The following ABCB4 variants were observed in gnomAD, a reference collection of about 807,000 sequenced individuals.
ABCB4 encodes the protein ATP binding cassette subfamily B member 4.
A neutral mutation model predicts 145.7 loss-of-function variants in ABCB4; 76 were observed. That is an observed-to-expected ratio of 0.52 (90% CI 0.43 to 0.63). The LOEUF is 0.63. Ranked by LOEUF, ABCB4 falls within the 30% of genes least tolerant of loss-of-function variation. The pLI is 0.00. For synonymous variants in ABCB4, 517 were observed against 566.8 expected (o/e 0.91, Z 1.25); for missense variants, 1,234 against 1,553.1 (o/e 0.79, Z 3.45).
intron 3 of ABCB4, among the ~76,000 whole-genome samples, chr7:87,468,564 T>C (rs1395171159): frequency 6.6e-6 from 1 of 152,162 alleles, no homozygotes; most frequent in African/African-American, 2.4e-5. Context: ...TACCAAAGCC[T>C]GGCAGAGTCA....
Position 87,422,225 on chromosome 7 carries a change from T to G in ABCB4, c.2212A>C (p.Ile738Leu), listed in dbSNP as rs1265968550. ...FSVIFSEIIA[I>L]FGPGDDAVKQ... is the part of the protein sequence containing the mutation. ...ACTGCATCATCGCCTGGTCCAAAAA[T>G]CTACAAAAGAATATTTAAAACGCCC... The change falls in exon 18 of 28, where the codon ATT becomes CTT. Residue 738 changes from isoleucine (I) to leucine (L), a missense_variant and splice_region_variant. Physicochemically the swap from Ile to Leu is conservative, Grantham distance 5 (BLOSUM62 2). This residue lies in a region of ABCB4 where 321 missense variants were observed against 332.6 expected (regional missense o/e 0.97). Transcript: ENST00000649586. 3 of 1,611,248 alleles carry G rather than the reference T, an allele frequency of 1.9e-6. No homozygotes were observed. The highest frequency in any genetic ancestry group is 1.7e-6 in the Non-Finnish European group (2 of 1,177,672).
chr7:87,474,775 T>C (rs936315673), intron 2 of ABCB4, among the ~76,000 whole-genome samples: 1 of 151,782 alleles, frequency 6.6e-6, no homozygotes. Context: ...GAGAAAGACA[T>C]GAAGGCAAAG....
At chr7:87,463,424 T>C (rs1438416887) in intron 3 of ABCB4, among the ~76,000 whole-genome samples, 1 of 152,196 alleles carries the variant, frequency 6.6e-6, no homozygotes, top group Non-Finnish European at 1.5e-5. Context: ...CAATAAACAT[T>C]ACAGTGTGTC....
the ABCB4 span, among the ~76,000 whole-genome samples, chr7:87,378,495 A>G: frequency 2.0e-5 from 3 of 152,206 alleles, no homozygotes; most frequent in African/African-American, 7.2e-5. Context: ...CAATGTTCAA[A>G]TGCTTTCATT....
intron 14 of ABCB4, among the ~76,000 whole-genome samples, chr7:87,434,222 G>A (rs751040072): frequency 6.6e-5 from 10 of 151,112 alleles, no homozygotes; most frequent in South Asian, 2.1e-4. Context: ...GATTACAGGC[G>A]TGAGCCACCA....
chr7:87,405,529 C>T (rs11773089), intron 26 of ABCB4, among the ~76,000 whole-genome samples: 19,958 of 149,776 alleles, frequency 0.13, 1,873 homozygotes, highest in African/African-American at 0.27. Flanking sequence ...CAGGTTCAGG[C>T]GATTCTCCCG....
the ABCB4 span, among the ~76,000 whole-genome samples, chr7:87,383,874 A>G: frequency 2.0e-5 from 3 of 152,168 alleles, no homozygotes. Flanking sequence ...GTGCTGCAAT[A>G]AACATTGGAG....
intron 3 of ABCB4, among the ~76,000 whole-genome samples, chr7:87,465,414 G>A (rs1812799382): frequency 6.6e-6 from 1 of 152,220 alleles, no homozygotes; most frequent in African/African-American, 2.4e-5. Flanking sequence ...GCCAGGAACT[G>A]GGTGGAGCCC....
At chr7:87,385,973 A>G in the ABCB4 span, among the ~76,000 whole-genome samples, 1 of 152,198 alleles carries the variant, frequency 6.6e-6, no homozygotes, top group Non-Finnish European at 1.5e-5. Flanking sequence ...TTGATGTGAT[A>G]TATCATGCTT....
At chr7:87,392,579 A>G in the ABCB4 span, 1 of 1,613,346 alleles carries the variant, frequency 6.2e-7, no homozygotes, top group Non-Finnish European at 8.5e-7. Context: ...CGTGAGCGGC[A>G]GCAAAAGATG....
rs45538734 is a variant in ABCB4, at chr7:87,425,636, T to C, written c.2064+1114A>G. On this transcript the variant is annotated intron_variant, in intron 16 of 27. Transcript: ENST00000649586. ...TATATCTTGAAATAAGGAAATCTTT[T>C]TTTGGAATGGATTCCCTCTGTATAA... Among the ~76,000 whole-genome samples, 374 of 152,298 alleles carry C rather than the reference T, an allele frequency of 2.5e-3. 2 individuals carry two copies. The highest frequency in any genetic ancestry group is 8.4e-3 in the African/African-American group (349 of 41,566).
At chr7:87,454,221 G>T (rs1811960944) in intron 5 of ABCB4, among the ~76,000 whole-genome samples, 1 of 152,132 alleles carries the variant, frequency 6.6e-6, no homozygotes, top group Non-Finnish European at 1.5e-5. Flanking sequence ...AGGAGAAAAT[G>T]CCATAAATGA....
At position 87,417,408 on chromosome 7, in the gene ABCB4, T is replaced by C. The variant is rs1554400942; in HGVS notation, c.2586A>G (p.Ala862=). ...YGWQLTLLLL[A]VVPIIAVSGI... ...CTGACACAGCAATAATTGGAACAAC[T>C]GCTAATAGCAATAGGGTTAACTGCC... The change falls in exon 21 of 28, where the codon GCA becomes GCG. Residue 862 remains alanine, a synonymous_variant. Transcript: ENST00000649586. 6.2e-7 allele frequency: 1 copy of C among 1,614,146 alleles called. No individual in the cohort carries two copies. Among genetic ancestry groups the C allele is most frequent in the African/African-American group, 1.3e-5 (1 of 75,054 alleles).
chr7:87,461,086 C>T (rs925480194), intron 4 of ABCB4, among the ~76,000 whole-genome samples: 2 of 152,080 alleles, frequency 1.3e-5, no homozygotes, highest in African/African-American at 2.4e-5. Context: ...GCTGGGATTA[C>T]AGGCATGAGC....
chr7:87,378,503 A>T, the ABCB4 span, among the ~76,000 whole-genome samples: 2 of 152,206 alleles, frequency 1.3e-5, no homozygotes, highest in Non-Finnish European at 2.9e-5. Context: ...AAATGCTTTC[A>T]TTAGAAATCT....
chr7:87,457,884 G>T (rs1014903993), intron 4 of ABCB4, among the ~76,000 whole-genome samples: 34 of 152,106 alleles, frequency 2.2e-4, no homozygotes, highest in African/African-American at 8.2e-4. Flanking sequence ...TTCTGCCCAA[G>T]ACTTCTTTTT....
chr7:87,436,640 A>T (rs1236204190), intron 14 of ABCB4, among the ~76,000 whole-genome samples: 1 of 152,220 alleles, frequency 6.6e-6, no homozygotes, highest in Non-Finnish European at 1.5e-5. Flanking sequence ...GAGGGAAGGT[A>T]AAAGACCCTG....
At chr7:87,385,171 T>C in the ABCB4 span, among the ~76,000 whole-genome samples, 4 of 152,160 alleles carry the variant, frequency 2.6e-5, no homozygotes, top group Non-Finnish European at 5.9e-5. Context: ...GCATTGGCTA[T>C]TCTGGGTCTT....
At chr7:87,471,665 A>G (rs1054830220) in intron 3 of ABCB4, among the ~76,000 whole-genome samples, 2 of 152,212 alleles carry the variant, frequency 1.3e-5, no homozygotes, top group African/African-American at 4.8e-5. Context: ...CTACCAAATA[A>G]TGGCTGTCAC....
Sources: gnomAD v4.1 joint callset for allele counts (sites outside exome capture counted in the v4.1 genomes callset) on GRCh38, gnomAD v4.1.1 for gene constraint, gnomAD v4.1.1 regional missense constraint, MANE v1.5 for transcripts, NCBI Gene and HGNC (gene_info 2026-07-23, HGNC 2026-07-21) for gene names.